MACF1: variants seen among roughly 807,000 people sequenced by gnomAD.
MACF1 encodes microtubule actin crosslinking factor 1.
Under a neutral mutation model 854.8 loss-of-function variants are expected in MACF1, and 193 were observed. The ratio of observed to expected loss-of-function variants is 0.23; its 90% confidence interval spans 0.20 to 0.25. MACF1 has a LOEUF of 0.25. MACF1 is among the 10% of genes least tolerant of loss of function. The pLI, the probability that MACF1 is intolerant of heterozygous loss-of-function variation, is 1.00. For missense variants in MACF1, 7,722 were observed against 8,929.1 expected (o/e 0.86, Z 5.45); for synonymous variants, 3,185 against 3,226.7 (o/e 0.99, Z 0.44).
At chr1:39,406,129 G>A (rs1642689420) in intron 58 of MACF1, among the ~76,000 whole-genome samples, 2 of 152,188 alleles carry the variant, frequency 1.3e-5, no homozygotes, top group African/African-American at 2.4e-5. Context: ...TTGGGTTCTG[G>A]GGTTTTTTTG....
intron 6 of MACF1, among the ~76,000 whole-genome samples, chr1:39,267,165 A>G (rs1205434075): frequency 1.3e-5 from 2 of 152,242 alleles, no homozygotes; most frequent in Non-Finnish European, 2.9e-5. Flanking sequence ...ACAGAAGTTC[A>G]TGTTCTGGCT....
At chr1:39,206,599 T>A (rs928656755) in intron 1 of MACF1, 5 of 152,198 alleles carry the variant, frequency 3.3e-5, no homozygotes, top group African/African-American at 1.2e-4. Flanking sequence ...CATAAAGTAA[T>A]TGAAATAAAA....
Position 39,334,051 on chromosome 1 carries a change from T to A in MACF1, c.7463T>A (p.Leu2488His). The change falls in exon 37 of 101, where the codon CTT becomes CAT. Residue 2488 changes from leucine (L) to histidine (H), a missense_variant. Transcript: ENST00000564288. ...LTVVQSIDRG[L>H]LEREEAVRLL... is the part of the protein sequence containing the mutation. ...GTTGTGCAGTCCATTGACAGAGGTC[T>A]TTTGGAGAGAGAGGAGGCCGTTCGT... 6.2e-7 allele frequency: 1 copy of A among 1,614,186 alleles called. No individual in the cohort carries two copies.
chr1:39,311,897 A>G (rs968898257), intron 26 of MACF1, among the ~76,000 whole-genome samples: 1 of 152,112 alleles, frequency 6.6e-6, no homozygotes, highest in Admixed American at 6.6e-5. Context: ...AATGAGGAGG[A>G]GTGATTTTTC....
In MACF1 at chr1:39,414,207, C is replaced by T. The variant is rs1485946258; in HGVS notation, c.15817-8167C>T. ...CTGCCATCCCTGCTGCTTCAGTGCC[C>T]ACCCCAGAGGTGCCTGCCATCCCAG... On this transcript the variant is annotated intron_variant, in intron 58 of 100. Transcript: ENST00000564288. The T allele has an allele frequency of 3.1e-6, 5 of 1,613,686 alleles. No homozygotes were observed. The African/African-American group carries it at 4.0e-5, about 13-fold the overall frequency.
At chr1:39,431,018 A>T (rs1282151900) in intron 66 of MACF1, 110 bp downstream of exon 66, 10 of 962,572 alleles carry the variant, frequency 1.0e-5, no homozygotes, top group Non-Finnish European at 1.5e-5. Flanking sequence ...GGCTCAAGCT[A>T]AATCTGGTGG....
chr1:39,399,600 C>T (rs1031106636), intron 58 of MACF1, among the ~76,000 whole-genome samples: 1 of 152,104 alleles, frequency 6.6e-6, no homozygotes, highest in African/African-American at 2.4e-5. Flanking sequence ...TGGTCTCGAA[C>T]TCCTGACCTC....
intron 58 of MACF1, 51 bp from the exon 59 acceptor site, chr1:39,422,323 G>T: frequency 6.8e-7 from 1 of 1,474,502 alleles, no homozygotes; most frequent in South Asian, 1.2e-5. Flanking sequence ...GCGTGGTATA[G>T]AGAGTCTAAT....
chr1:39,203,403 C>G (rs911357474), upstream of MACF1, among the ~76,000 whole-genome samples: 1 of 152,150 alleles, frequency 6.6e-6, no homozygotes, highest in African/African-American at 2.4e-5. Context: ...TGGGGTCCCA[C>G]TGTGTTACTC....
chr1:39,182,557 A>G (rs546657289), intron 2 of MACF1, among the ~76,000 whole-genome samples: 2 of 152,326 alleles, frequency 1.3e-5, no homozygotes, highest in Admixed American at 1.3e-4. Flanking sequence ...TTATATAGCC[A>G]TTTCTTCAAA....
At chr1:39,129,905 A>G (rs1557471607) in intron 2 of MACF1, among the ~76,000 whole-genome samples, 2 of 152,018 alleles carry the variant, frequency 1.3e-5, no homozygotes, top group Non-Finnish European at 2.9e-5. Context: ...CCTCCCCCAA[A>G]TGATTTGAAA....
chr1:39,200,429 T>C (rs892810384), upstream of MACF1, among the ~76,000 whole-genome samples: 3 of 152,158 alleles, frequency 2.0e-5, no homozygotes, highest in African/African-American at 4.8e-5. Context: ...CCAGGCACAG[T>C]GGCTCACACC....
chr1:39,479,250 T>G (rs1313393670), intron 97 of MACF1, among the ~76,000 whole-genome samples: 1 of 152,210 alleles, frequency 6.6e-6, no homozygotes, highest in Non-Finnish European at 1.5e-5. Context: ...ACCGACATGT[T>G]TACTTCTTAA....
intron 2 of MACF1, among the ~76,000 whole-genome samples, chr1:39,130,712 A>C (rs1242950805): frequency 6.6e-6 from 1 of 152,204 alleles, no homozygotes; most frequent in African/African-American, 2.4e-5. Context: ...GGGAATGAAG[A>C]AAGTGAAAAT....
rs1284847896 is a variant in MACF1 at position 39,332,633 on chromosome 1, T to C, written c.6045T>C (p.Thr2015=). 1 of 1,614,108 alleles carries C rather than the reference T, an allele frequency of 6.2e-7. No individual in the cohort carries two copies. Among genetic ancestry groups the C allele is most frequent in the East Asian group, 2.2e-5 (1 of 44,880 alleles). The stretch of plus-strand genomic sequence containing the variant: ...AAATTGGGCATCAAAGGCAAAAAAC[T>C]CCTGAGGGATTGCAAGAATCAGCTA... ...VVEIGHQRQK[T]PEGLQESANV... The change falls in exon 37 of 101, where the codon ACT becomes ACC. Residue 2015 remains threonine, a synonymous_variant. Coordinates refer to ENST00000564288, the MANE Select transcript of MACF1 (RefSeq NM_001394062.1).
chr1:39,356,581 C>T (rs914184431), intron 44 of MACF1, among the ~76,000 whole-genome samples: 6 of 152,146 alleles, frequency 3.9e-5, no homozygotes, highest in African/African-American at 7.2e-5. Flanking sequence ...CCATATTGGC[C>T]AGGATGGTCT....
At chr1:39,099,957 TG>T (rs919680323) in intron 2 of MACF1, among the ~76,000 whole-genome samples, 9 of 152,178 alleles carry the variant, frequency 5.9e-5, no homozygotes, top group African/African-American at 2.2e-4. Context: ...GGTTCACACC[TG>T]TAATCTCAGC....
At chr1:39,439,542 C>G (rs1644055832) in intron 72 of MACF1, 42 bp downstream of exon 72, 1 of 1,479,720 alleles carries the variant, frequency 6.8e-7, no homozygotes, top group Non-Finnish European at 9.4e-7. Context: ...TGTCTGTCCT[C>G]TAGAAAAAGC....
Position 39,340,952 on chromosome 1 carries a change from A to T in MACF1, c.10580A>T (p.Glu3527Val). The change falls in exon 40 of 101, where the codon GAG becomes GTG. Residue 3527 changes from glutamate to valine, a missense_variant and splice_region_variant. Glu to Val is a moderately radical substitution (Grantham distance 121). Transcript: ENST00000564288. ...CTGAACCTCTGCCTCCAACAGTATG[A>T]GGTAAACTCAAGCACATTTTCTTTG... ...DSLNLCLQQY[E>V]DLKQPMAERK... is the part of the protein sequence containing the mutation. The T allele has an allele frequency of 6.3e-7, 1 of 1,595,474 alleles. No individual in the cohort carries two copies. Among genetic ancestry groups the T allele is most frequent in the Non-Finnish European group, 8.5e-7 (1 of 1,173,232 alleles).
Sources: allele counts gnomAD v4.1 joint callset (sites outside exome capture counted in the v4.1 genomes callset), GRCh38; gene constraint gnomAD v4.1.1; transcripts MANE v1.5; gene names NCBI Gene and HGNC (gene_info 2026-07-23, HGNC 2026-07-21).